Variants in SRGAP1 observed in about 807,000 individuals in gnomAD.
SRGAP1 encodes the protein SLIT-ROBO Rho GTPase activating protein 1, also known as SLIT-ROBO Rho GTPase-activating protein 1.
A neutral mutation model predicts 121.9 loss-of-function variants in SRGAP1; 43 were observed. That is an observed-to-expected ratio of 0.35 (90% CI 0.28 to 0.46). SRGAP1 has a LOEUF of 0.46. Among genes scored for constraint, SRGAP1 ranks in the 20% least tolerant of loss-of-function variants. The pLI is 1.00. For synonymous variants in SRGAP1, 447 were observed against 485.4 expected (o/e 0.92, Z 1.04); for missense variants, 1,102 against 1,350.9 (o/e 0.82, Z 2.89).
chr12:63,957,122 C>T (rs564747863), intron 1 of SRGAP1, among the ~76,000 whole-genome samples: 4 of 152,274 alleles, frequency 2.6e-5, no homozygotes, highest in South Asian at 4.2e-4. Context: ...CATCAGTTGA[C>T]GACCATTTGA....
At chr12:64,021,055 ATTGTAAGG>A (rs2034537935) in intron 4 of SRGAP1, among the ~76,000 whole-genome samples, 1 of 152,068 alleles carries the variant, frequency 6.6e-6, no homozygotes, top group South Asian at 2.1e-4. Flanking sequence ...GTTAAACCCC[ATTGTAAGG>A]TTTGTCCTTA....
chr12:63,868,080 T>A (rs1592897771), intron 1 of SRGAP1, among the ~76,000 whole-genome samples: 2 of 62,092 alleles, frequency 3.2e-5, no homozygotes, highest in Admixed American at 1.8e-4. Flanking sequence ...TTTTTTTTTG[T>A]TTTTTTTTTT....
At chr12:63,862,522 T>A (rs1377233831) in intron 1 of SRGAP1, among the ~76,000 whole-genome samples, 1 of 152,178 alleles carries the variant, frequency 6.6e-6, no homozygotes, top group Non-Finnish European at 1.5e-5. Context: ...TGCAAACAGC[T>A]CCTTCTCACA....
At chr12:63,868,410 A>G (rs1386502049) in intron 1 of SRGAP1, among the ~76,000 whole-genome samples, 1 of 151,416 alleles carries the variant, frequency 6.6e-6, no homozygotes, top group African/African-American at 2.4e-5. Context: ...GGGTTTTGTT[A>G]TGTTGCCTAG....
intron 1 of SRGAP1, among the ~76,000 whole-genome samples, chr12:63,875,548 A>T (rs1235118968): frequency 6.6e-6 from 1 of 152,182 alleles, no homozygotes; most frequent in African/African-American, 2.4e-5. Context: ...TTCTTTAAAA[A>T]TTTTTTAAAG....
intron 1 of SRGAP1, chr12:63,872,145 A>G: frequency 2.2e-6 from 1 of 460,414 alleles, no homozygotes. Context: ...TTTTCTTTAA[A>G]TGGAACATTT....
chr12:64,041,312 A>G (rs187336801), intron 4 of SRGAP1, among the ~76,000 whole-genome samples: 1 of 152,140 alleles, frequency 6.6e-6, no homozygotes, highest in East Asian at 1.9e-4. Context: ...TTACAAACGT[A>G]GGATGATCTC....
At chr12:63,982,996 G>C (rs190228888) in intron 1 of SRGAP1, 21 of 152,292 alleles carry the variant, frequency 1.4e-4, no homozygotes, top group African/African-American at 4.1e-4. Context: ...TTTGAACAAT[G>C]CGTAAAAGGT....
intron 1 of SRGAP1, among the ~76,000 whole-genome samples, chr12:63,929,551 G>A (rs186424679): frequency 9.3e-5 from 14 of 149,996 alleles, no homozygotes; most frequent in Admixed American, 2.0e-4. Context: ...TCTGGGGATT[G>A]TGGTGTTTTT....
chr12:63,974,262 A>T lies in SRGAP1; in HGVS notation c.68-9685A>T, dbSNP rs190292871. ...AAAAAAAAGTGCAAGTTTGTTTTCC[A>T]TACTTTATCTAAAAATGTTATGTAG... On this transcript the variant is annotated intron_variant, in intron 1 of 21. Coordinates refer to ENST00000355086, the MANE Select transcript of SRGAP1 (RefSeq NM_020762.4). Among the ~76,000 whole-genome samples the T allele has an allele frequency of 9.5e-3, 1,445 of 152,296 alleles. 21 individuals carry two copies. Among genetic ancestry groups the T allele is most frequent in the Middle Eastern group, 0.044 (13 of 294 alleles).
At chr12:64,047,837 A>C (rs1485520073) in intron 6 of SRGAP1, among the ~76,000 whole-genome samples, 1 of 152,156 alleles carries the variant, frequency 6.6e-6, no homozygotes, top group Non-Finnish European at 1.5e-5. Context: ...CACATTTTTA[A>C]TTTTAATTTT....
chr12:64,118,088 A>G (rs1207815019), intron 18 of SRGAP1, among the ~76,000 whole-genome samples: 1 of 152,186 alleles, frequency 6.6e-6, no homozygotes, highest in Non-Finnish European at 1.5e-5. Flanking sequence ...TCCTGATTTC[A>G]GTTATTTTGG....
intron 1 of SRGAP1, among the ~76,000 whole-genome samples, chr12:63,863,317 G>T (rs1342099645): frequency 6.7e-6 from 1 of 148,372 alleles, no homozygotes; most frequent in Non-Finnish European, 1.5e-5. Context: ...TTATCGCCCA[G>T]GCTGGAGTGC....
At chr12:63,933,652 G>A (rs2031561230) in intron 1 of SRGAP1, among the ~76,000 whole-genome samples, 1 of 152,158 alleles carries the variant, frequency 6.6e-6, no homozygotes, top group Non-Finnish European at 1.5e-5. Context: ...CTATTTTAAA[G>A]GACAGTGTTA....
intron 1 of SRGAP1, among the ~76,000 whole-genome samples, chr12:63,956,740 T>TTTTTTTA (rs2032485402): frequency 6.9e-6 from 1 of 145,518 alleles, no homozygotes; most frequent in African/African-American, 2.5e-5. Flanking sequence ...TTTTTTTTTT[T>TTTTTTTA]GCAGCAGCTT....
intron 1 of SRGAP1, among the ~76,000 whole-genome samples, chr12:63,967,840 C>G (rs896561110): frequency 6.6e-6 from 1 of 152,136 alleles, no homozygotes; most frequent in African/African-American, 2.4e-5. Flanking sequence ...GGGCTTTCCC[C>G]CAGTTTCTGG....
chr12:63,846,712 A>G (rs1052708972), intron 1 of SRGAP1, among the ~76,000 whole-genome samples: 31 of 152,074 alleles, frequency 2.0e-4, no homozygotes, highest in African/African-American at 6.8e-4. Flanking sequence ...AGGAGTCTTC[A>G]CTGCACCTGC....
intron 10 of SRGAP1, among the ~76,000 whole-genome samples, chr12:64,086,125 C>G (rs1224705777): frequency 6.6e-6 from 1 of 152,188 alleles, no homozygotes; most frequent in Non-Finnish European, 1.5e-5. Context: ...ATAGGCTGAG[C>G]TTAGCTGTTT....
In SRGAP1 at chr12:64,142,503, C is replaced by T; in HGVS notation, c.3089C>T (p.Ser1030Phe). Residue 1030 changes from serine to phenylalanine, a missense_variant, in exon 22 of 22, where the codon TCC becomes TTC. By Grantham distance (155) the Ser-to-Phe change is radical. Transcript: ENST00000355086. ...CCTCAGATTCGACGTAGCACGAGCT[C>T]CTCCAGTGACACAATGAGTACTTTC... is the stretch of plus-strand genomic sequence containing the variant. ...SEPQIRRSTS[S>F]SSDTMSTFKP... 1 of 1,614,172 alleles carries T rather than the reference C, an allele frequency of 6.2e-7. No homozygotes were observed. The highest frequency in any genetic ancestry group is 8.5e-7 in the Non-Finnish European group (1 of 1,180,042).
Sources: allele counts gnomAD v4.1 joint callset (sites outside exome capture counted in the v4.1 genomes callset), GRCh38; gene constraint gnomAD v4.1.1; transcripts MANE v1.5; gene names NCBI Gene and HGNC (gene_info 2026-07-23, HGNC 2026-07-21).